The following BABAM2 variants were observed in gnomAD, a reference collection of about 807,000 sequenced individuals.
BABAM2 encodes the protein BRISC and BRCA1-A complex member 2.
Under a neutral mutation model 54.7 loss-of-function variants are expected in BABAM2, and 31 were observed. The ratio of observed to expected loss-of-function variants is 0.57; its 90% CI spans 0.43 to 0.77. The LOEUF is 0.77. Ranked by LOEUF, BABAM2 falls within the 30% of genes least tolerant of loss-of-function variation. The pLI, the probability that BABAM2 is intolerant of heterozygous loss-of-function variation, is 0.00. For synonymous variants in BABAM2, 167 were observed against 162.9 expected (o/e 1.03, Z -0.19); for missense variants, 364 against 455.8 (o/e 0.80, Z 1.83).
In BABAM2 at chr2:28,317,353, A is replaced by AATAGC. The variant is rs534252547; in HGVS notation, c.1088+18864_1088+18868dup. Among the ~76,000 whole-genome samples the AATAGC allele has an allele frequency of 4.1e-3, 630 of 152,310 alleles. 8 individuals are homozygous for AATAGC. Among genetic ancestry groups the AATAGC allele is most frequent in the African/African-American group, 0.014 (602 of 41,562 alleles). Reference sequence around the variant, plus strand: ...CAAAGCAGGGCGTAGGTTCAAGCAGAATAGCACCCTTGGGCTTAAGAGTGA... The same window carrying AATAGC: ...CAAAGCAGGGCGTAGGTTCAAGCAGAATAGCATAGCACCCTTGGGCTTAAGAGTGA... On this transcript the variant is annotated intron_variant, in intron 11 of 11. Transcript: ENST00000379624.
intron 2 of BABAM2, among the ~76,000 whole-genome samples, chr2:27,902,672 T>A (rs759788160): frequency 4.6e-5 from 7 of 152,318 alleles, no homozygotes; most frequent in South Asian, 2.1e-4. Context: ...CCTTTGTTCG[T>A]CTTTTAAGTG....
At chr2:28,315,637 TTTTA>T (rs1293557421) in intron 11 of BABAM2, among the ~76,000 whole-genome samples, 1 of 150,698 alleles carries the variant, frequency 6.6e-6, no homozygotes, top group Admixed American at 6.6e-5. Context: ...TGGGCTGATT[TTTTA>T]TTTATTTATT....
intron 7 of BABAM2, among the ~76,000 whole-genome samples, chr2:28,192,678 C>T (rs1050290263): frequency 5.9e-5 from 9 of 151,654 alleles, no homozygotes; most frequent in Admixed American, 4.6e-4. Flanking sequence ...CGTGCCACCA[C>T]GGCCAGATAA....
At chr2:27,941,306 T>C (rs986065587) in intron 3 of BABAM2, among the ~76,000 whole-genome samples, 6 of 152,182 alleles carry the variant, frequency 3.9e-5, no homozygotes, top group Non-Finnish European at 7.3e-5. Flanking sequence ...GGCTCACGCC[T>C]GTAATCCCAG....
chr2:28,015,045 G>C (rs1674698666), intron 4 of BABAM2, among the ~76,000 whole-genome samples: 1 of 152,104 alleles, frequency 6.6e-6, no homozygotes, highest in Non-Finnish European at 1.5e-5. Flanking sequence ...GAGCTTTTGG[G>C]TCTTTCTCAT....
intron 3 of BABAM2, among the ~76,000 whole-genome samples, chr2:27,975,187 G>A (rs1370151771): frequency 6.6e-6 from 1 of 151,954 alleles, no homozygotes; most frequent in East Asian, 1.9e-4. Flanking sequence ...CTAAATTAAT[G>A]TACACTATTT....
rs1314832746 is a variant in BABAM2 at position 28,097,339 on chromosome 2, G to T, written c.571-31932G>T. Among the ~76,000 whole-genome samples, 6 of 152,102 alleles carry T rather than the reference G, an allele frequency of 3.9e-5. No homozygotes were observed. The East Asian group carries it at 1.2e-3, about 29-fold the overall frequency. On this transcript the variant is annotated intron_variant, in intron 6 of 11. Coordinates refer to ENST00000379624, the MANE Select transcript of BABAM2 (RefSeq NM_199191.3). Reference sequence around the variant, plus strand: ...CAGCTGGAAGGTGGGTGGGCATGTGGGACTAGGAAGCAGAGCTTTGTGTAC... The same window carrying T: ...CAGCTGGAAGGTGGGTGGGCATGTGTGACTAGGAAGCAGAGCTTTGTGTAC...
intron 3 of BABAM2, among the ~76,000 whole-genome samples, chr2:27,971,275 G>T (rs1212362705): frequency 2.0e-5 from 3 of 151,992 alleles, no homozygotes; most frequent in African/African-American, 4.8e-5. Flanking sequence ...TTAACATAAT[G>T]TATATGTTTA....
chr2:28,070,515 A>G (rs1193553245), intron 6 of BABAM2, among the ~76,000 whole-genome samples: 1 of 151,840 alleles, frequency 6.6e-6, no homozygotes, highest in African/African-American at 2.4e-5. Flanking sequence ...GCTCCAGGTA[A>G]AGCTTGCTTA....
intron 3 of BABAM2, among the ~76,000 whole-genome samples, chr2:27,971,384 A>G (rs187843937): frequency 6.6e-6 from 1 of 152,266 alleles, no homozygotes; most frequent in African/African-American, 2.4e-5. Flanking sequence ...CTTTACAGTC[A>G]CATGTTCTTT....
chr2:28,100,954 T>A (rs1667031268), intron 6 of BABAM2, among the ~76,000 whole-genome samples: 1 of 152,118 alleles, frequency 6.6e-6, no homozygotes, highest in Non-Finnish European at 1.5e-5. Flanking sequence ...AGAGTTTACA[T>A]ACAGAGAAGG....
chr2:28,049,288 C>T (rs1677827205), intron 6 of BABAM2, among the ~76,000 whole-genome samples: 1 of 152,136 alleles, frequency 6.6e-6, no homozygotes, highest in Non-Finnish European at 1.5e-5. Flanking sequence ...GGTTAAATAG[C>T]AACTATTTCC....
At chr2:27,956,745 T>TCC (rs1670118476) in intron 3 of BABAM2, among the ~76,000 whole-genome samples, 1 of 152,162 alleles carries the variant, frequency 6.6e-6, no homozygotes, top group African/African-American at 2.4e-5. Context: ...CAGGTTGACA[T>TCC]ACATATTTAG....
chr2:27,984,205 G>A lies in BABAM2; in HGVS notation c.206-3788G>A, dbSNP rs75495910. Among the ~76,000 whole-genome samples the A allele has an allele frequency of 5.2e-3, 795 of 151,804 alleles. 6 individuals carry two copies. The highest frequency in any genetic ancestry group is 0.018 in the African/African-American group (749 of 41,404). On this transcript the variant is annotated intron_variant, in intron 3 of 11. Coordinates refer to ENST00000379624, the MANE Select transcript of BABAM2 (RefSeq NM_199191.3). ...TCAAGGGACAATAGATCCTAGATTG[G>A]CATTTTTCAAAACTTTGATATCTTT... is the stretch of plus-strand genomic sequence containing the variant.
At chr2:27,917,009 C>G (rs897188958) in intron 2 of BABAM2, among the ~76,000 whole-genome samples, 8 of 141,348 alleles carry the variant, frequency 5.7e-5, no homozygotes, top group Non-Finnish European at 1.2e-4. Flanking sequence ...AATAATCACT[C>G]CAAACTTTTT....
intron 6 of BABAM2, among the ~76,000 whole-genome samples, chr2:28,060,064 T>A (rs1168460133): frequency 6.6e-6 from 1 of 152,202 alleles, no homozygotes; most frequent in Non-Finnish European, 1.5e-5. Context: ...AAACTCCAGA[T>A]GCATCTGTCT....
intron 2 of BABAM2, among the ~76,000 whole-genome samples, chr2:27,927,111 T>G (rs552568151): frequency 1.3e-5 from 2 of 152,304 alleles, no homozygotes; most frequent in South Asian, 4.1e-4. Context: ...TTTAATACAC[T>G]GAGGTTGCTG....
chr2:28,110,285 C>G (rs1667886330), intron 6 of BABAM2, among the ~76,000 whole-genome samples: 1 of 152,090 alleles, frequency 6.6e-6, no homozygotes, highest in Admixed American at 6.6e-5. Flanking sequence ...TTGATGGACA[C>G]TTGGGTTGCT....
chr2:28,012,535 G>T (rs996325823), intron 4 of BABAM2, among the ~76,000 whole-genome samples: 1 of 152,096 alleles, frequency 6.6e-6, no homozygotes, highest in South Asian at 2.1e-4. Context: ...AAATAGATTT[G>T]ATTTTGTATT....
Sources: gnomAD v4.1 joint callset for allele counts (sites outside exome capture counted in the v4.1 genomes callset) on GRCh38, gnomAD v4.1.1 for gene constraint, MANE v1.5 for transcripts, NCBI Gene and HGNC (gene_info 2026-07-23, HGNC 2026-07-21) for gene names.